GRIA4: variants seen among roughly 807,000 people sequenced by gnomAD.
The protein encoded by GRIA4 is glutamate ionotropic receptor AMPA type subunit 4, also known as glutamate receptor 4.
A neutral mutation model predicts 104.0 loss-of-function variants in GRIA4; 34 were observed. That is an observed-to-expected ratio of 0.33 (90% CI 0.25 to 0.44). GRIA4 has a LOEUF of 0.44. Among genes scored for constraint, GRIA4 ranks in the 20% least tolerant of loss-of-function variants. The pLI is 1.00. For synonymous variants in GRIA4, 386 were observed against 381.9 expected (o/e 1.01, Z -0.13); for missense variants, 750 against 1,096.5 (o/e 0.68, Z 4.46).
chr11:105,716,662 T>C (rs1375862463), intron 3 of GRIA4, among the ~76,000 whole-genome samples: 1 of 152,120 alleles, frequency 6.6e-6, no homozygotes, highest in Non-Finnish European at 1.5e-5. Context: ...GCAAGCAATA[T>C]AATTCCCTAG....
At chr11:105,901,359 A>G (rs1946848980) in intron 7 of GRIA4, among the ~76,000 whole-genome samples, 3 of 152,134 alleles carry the variant, frequency 2.0e-5, no homozygotes, top group Non-Finnish European at 4.4e-5. Flanking sequence ...TTTCTACCGC[A>G]CTATGATTCT....
At chr11:105,637,158 A>G (rs575051703) in intron 3 of GRIA4, among the ~76,000 whole-genome samples, 76 of 151,912 alleles carry the variant, frequency 5.0e-4, no homozygotes, top group Non-Finnish European at 8.4e-4. Context: ...AGTTTTATGA[A>G]GCTAGATAAT....
At chr11:105,770,854 C>G (rs1170680071) in intron 4 of GRIA4, among the ~76,000 whole-genome samples, 1 of 152,050 alleles carries the variant, frequency 6.6e-6, no homozygotes, top group African/African-American at 2.4e-5. Flanking sequence ...CTAAAAACAT[C>G]AAAATGCTCT....
At chr11:105,706,715 CTG>C (rs1274648337) in intron 3 of GRIA4, 1 of 152,336 alleles carries the variant, frequency 6.6e-6, no homozygotes, top group Non-Finnish European at 1.5e-5. Flanking sequence ...AAGAAGCAGT[CTG>C]AACCTGTAAC....
chr11:105,646,533 T>C (rs946049902), intron 3 of GRIA4, among the ~76,000 whole-genome samples: 2 of 152,156 alleles, frequency 1.3e-5, no homozygotes, highest in Non-Finnish European at 1.5e-5. Context: ...ATACTAAAAC[T>C]GTAGCCCTAT....
chr11:105,788,149 G>C (rs764415218), intron 4 of GRIA4, among the ~76,000 whole-genome samples: 1 of 152,064 alleles, frequency 6.6e-6, no homozygotes, highest in Non-Finnish European at 1.5e-5. Context: ...TTACAAAAAG[G>C]CTTTCAAATG....
At chr11:105,794,413 A>T (rs917908657) in intron 4 of GRIA4, among the ~76,000 whole-genome samples, 63 of 137,724 alleles carry the variant, frequency 4.6e-4, no homozygotes, top group African/African-American at 1.7e-3. Flanking sequence ...ACACACATAT[A>T]TGTGTATGTG....
intron 4 of GRIA4, among the ~76,000 whole-genome samples, chr11:105,762,274 T>G (rs2135719135): frequency 6.6e-6 from 1 of 152,346 alleles, no homozygotes; most frequent in South Asian, 2.1e-4. Context: ...TCTGCCCGCC[T>G]TGGCCTCCCA....
chr11:105,643,822 G>T (rs995682238), intron 3 of GRIA4, among the ~76,000 whole-genome samples: 1 of 152,134 alleles, frequency 6.6e-6, no homozygotes, highest in African/African-American at 2.4e-5. Context: ...AGGTTGAAGC[G>T]ATTCTCCTGC....
chr11:105,854,649 A>T (rs1207527072), intron 4 of GRIA4, among the ~76,000 whole-genome samples: 2 of 152,072 alleles, frequency 1.3e-5, no homozygotes, highest in African/African-American at 4.8e-5. Context: ...GTAGGAAGAA[A>T]TGGCCAGGTT....
At chr11:105,766,307 G>C (rs1940935879) in intron 4 of GRIA4, among the ~76,000 whole-genome samples, 1 of 152,072 alleles carries the variant, frequency 6.6e-6, no homozygotes, top group African/African-American at 2.4e-5. Context: ...TGTCTATGAA[G>C]AAAAGAAAAT....
intron 3 of GRIA4, among the ~76,000 whole-genome samples, chr11:105,634,136 CAGG>C (rs955370686): frequency 1.1e-4 from 17 of 151,898 alleles, no homozygotes; most frequent in Admixed American, 1.0e-3. Flanking sequence ...ATCACGAGGT[CAGG>C]AGTTCAGGAC....
At chr11:105,764,412 T>G (rs1388306590) in intron 4 of GRIA4, among the ~76,000 whole-genome samples, 1 of 152,222 alleles carries the variant, frequency 6.6e-6, no homozygotes, top group African/African-American at 2.4e-5. Context: ...CATTTTGACC[T>G]GAAATGTTTG....
At chr11:105,662,638 T>C (rs571566761) in intron 3 of GRIA4, among the ~76,000 whole-genome samples, 1 of 151,996 alleles carries the variant, frequency 6.6e-6, no homozygotes, top group African/African-American at 2.4e-5. Flanking sequence ...TCTTTACTCA[T>C]TCTTTACTCA....
chr11:105,684,959 A>G (rs1952827817), intron 3 of GRIA4, among the ~76,000 whole-genome samples: 1 of 152,136 alleles, frequency 6.6e-6, no homozygotes, highest in East Asian at 1.9e-4. Context: ...GGAATTTGGA[A>G]TAACTATTTG....
chr11:105,856,757 A>G (rs1330958707), intron 4 of GRIA4, among the ~76,000 whole-genome samples: 2 of 152,168 alleles, frequency 1.3e-5, no homozygotes, highest in African/African-American at 4.8e-5. Context: ...TGTCATCTGA[A>G]CTAAATATGA....
intron 3 of GRIA4, among the ~76,000 whole-genome samples, chr11:105,685,393 C>T (rs1952847624): frequency 6.6e-6 from 1 of 152,132 alleles, no homozygotes; most frequent in South Asian, 2.1e-4. Context: ...CAGATTTTGA[C>T]CCTGGCTTGA....
At chr11:105,631,704 A>G (rs914706607) in intron 3 of GRIA4, among the ~76,000 whole-genome samples, 1 of 152,192 alleles carries the variant, frequency 6.6e-6, no homozygotes, top group African/African-American at 2.4e-5. Flanking sequence ...AAAAAAAGTC[A>G]GACTTGATAC....
In GRIA4 at chr11:105,845,261, A is replaced by G. The variant is rs184965461; in HGVS notation, c.488-16763A>G. Among the ~76,000 whole-genome samples the G allele has an allele frequency of 2.0e-5, 3 of 152,210 alleles. No homozygotes were observed. The East Asian group carries it at 5.8e-4, about 29-fold the overall frequency. On this transcript the variant is annotated intron_variant, in intron 4 of 16. Transcript: ENST00000282499. ...GGGGTTATCAGTTGTTAACACTTAC[A>G]TGTATTCTTTGCTGTGGCTGCTTGG...
Sources: gnomAD v4.1 joint callset for allele counts (sites outside exome capture counted in the v4.1 genomes callset) on GRCh38, gnomAD v4.1.1 for gene constraint, MANE v1.5 for transcripts, NCBI Gene and HGNC (gene_info 2026-07-23, HGNC 2026-07-21) for gene names.